The following GPN2 variants were observed in gnomAD, a reference collection of about 807,000 sequenced individuals.
GPN2 encodes GPN-loop GTPase 2.
Under a neutral mutation model 30.1 loss-of-function variants are expected in GPN2, and 27 were observed. That is an observed-to-expected ratio of 0.90 (90% CI 0.66 to 1.24). GPN2 has a LOEUF of 1.24. GPN2 is among the 50% of genes most tolerant of loss of function. GPN2 has a pLI of 0.00. For synonymous variants in GPN2, 212 were observed against 174.4 expected, an observed-to-expected ratio of 1.22 and a Z score of -1.70; for missense variants, 406 against 405.4, an observed-to-expected ratio of 1.00 and a Z score of -0.01.
intron 3 of GPN2, among the ~76,000 whole-genome samples, chr1:26,885,625 G>A (rs2081886589): frequency 6.7e-6 from 1 of 150,006 alleles, no homozygotes; most frequent in African/African-American, 2.5e-5. Context: ...TGTCGCCCAG[G>A]CTGGAGAGCA....
At chr1:26,885,928 G>T in intron 3 of GPN2, 45 bp downstream of exon 3, 2 of 1,469,560 alleles carry the variant, frequency 1.4e-6, no homozygotes, top group Non-Finnish European at 9.5e-7. Flanking sequence ...TTTTGGCTTG[G>T]TGAATCCCAT....
rs1456974530 is a variant in GPN2, at chr1:26,876,144, T to C, written c.*3533A>G. On this transcript the variant is annotated 3_prime_UTR_variant, in exon 5 of 5. Transcript: ENST00000374135. The stretch of plus-strand genomic sequence containing the variant: ...AATACACAAAATATACATTTGAATA[T>C]AGAATTTATTTTTCTCTTAAACAGA... 2.6e-5 allele frequency: 4 copies of C among 151,584 alleles called. No individual in the cohort carries two copies. The highest frequency in any genetic ancestry group is 2.9e-5 in the Non-Finnish European group (2 of 67,962). 9.4% of individuals were successfully genotyped at this position (151,584 alleles called of 1,614,324 possible).
chr1:26,886,148 C>T lies in GPN2; in HGVS notation c.569-15G>A, dbSNP rs2081889897. ...CAGGTTGAAGGCTAAAGAGAGAAACCAGTGTTCAGGAGCAACCAGTATCAG... is the reference window on the plus strand; with the variant it reads ...CAGGTTGAAGGCTAAAGAGAGAAACTAGTGTTCAGGAGCAACCAGTATCAG... On this transcript the variant is annotated splice_polypyrimidine_tract_variant and intron_variant, in intron 2 of 4. Transcript: ENST00000374135. The T allele has an allele frequency of 5.0e-6, 8 of 1,609,400 alleles. No homozygotes were observed. The highest frequency in any genetic ancestry group is 2.2e-5 in the South Asian group (2 of 90,916).
Position 26,885,992 on chromosome 1 carries a change from A to G in GPN2, c.710T>C (p.Phe237Ser). The change falls in exon 3 of 5, where the codon TTT becomes TCT. Residue 237 changes from phenylalanine (F) to serine (S), a missense_variant. Transcript: ENST00000374135. Reference protein sequence around the residue: ...QLIEDYSLVSFIPLNIQDKES... With the variant: ...QLIEDYSLVSSIPLNIQDKES... ...TAGTACCTGGATGTTGAGAGGGATA[A>G]AGGAGACAAGGCTATAGTCTTCGAT... 1 of 1,613,188 alleles carries G rather than the reference A, an allele frequency of 6.2e-7. No homozygotes were observed. Among genetic ancestry groups the G allele is most frequent in the Non-Finnish European group, 8.5e-7 (1 of 1,179,246 alleles).
chr1:26,888,784 C>T, intron 2 of GPN2, 185 bp downstream of exon 2: 1 of 654,896 alleles, frequency 1.5e-6, no homozygotes, highest in Non-Finnish European at 2.8e-6. Context: ...GCTCTCTTGT[C>T]TCCAAAATCT....
In GPN2 at chr1:26,889,997, G is replaced by C; in HGVS notation, c.100C>G (p.Arg34Gly). The C allele has an allele frequency of 6.2e-7, 1 of 1,601,036 alleles. No homozygotes were observed. The highest frequency in any genetic ancestry group is 8.5e-7 in the Non-Finnish European group (1 of 1,179,194). Residue 34 changes from arginine (R) to glycine (G), a missense_variant, in exon 1 of 5, where the codon CGC becomes GGC. Transcript: ENST00000374135. ...TYCLGMSEFLRALGRRVAVVN... is the reference protein window; with the variant it reads ...TYCLGMSEFLGALGRRVAVVN... ...ACCGCCACGCGCCGGCCCAGCGCGC[G>C]CAGGAACTCACTCATGCCCAGGCAG... is the stretch of plus-strand genomic sequence containing the variant.
intron 4 of GPN2, among the ~76,000 whole-genome samples, chr1:26,883,517 T>A (rs1229777675): frequency 1.3e-5 from 2 of 151,492 alleles, no homozygotes; most frequent in East Asian, 1.9e-4. Flanking sequence ...CCGGGCGCAG[T>A]GGCTCATGCC....
chr1:26,889,654 C>G, intron 1 of GPN2, 32 bp downstream of exon 1: 1 of 1,544,262 alleles, frequency 6.5e-7, no homozygotes, highest in Admixed American at 1.9e-5. Flanking sequence ...TTACTCCATC[C>G]GCAAAATGGG....
chr1:26,887,687 G>T (rs2081897777), intron 2 of GPN2, among the ~76,000 whole-genome samples: 1 of 151,440 alleles, frequency 6.6e-6, no homozygotes, highest in Admixed American at 6.6e-5. Flanking sequence ...TCAGCCTCCT[G>T]AGTAGCTGGG....
intron 2 of GPN2, among the ~76,000 whole-genome samples, chr1:26,887,362 T>G (rs902685862): frequency 6.6e-6 from 1 of 152,070 alleles, no homozygotes; most frequent in Non-Finnish European, 1.5e-5. Flanking sequence ...GGCAGCTCTA[T>G]CCTAAAGTAA....
chr1:26,882,857 T>C lies in GPN2; in HGVS notation c.860+1303A>G, dbSNP rs142485658. The stretch of plus-strand genomic sequence containing the variant: ...TGCCAGCTCTTGTCCCTTTCATCCA[T>C]GTGACAAACCTGCTCCCTCCTCCTT... On this transcript the variant is annotated intron_variant, in intron 4 of 4. Coordinates refer to ENST00000374135, the MANE Select transcript of GPN2 (RefSeq NM_018066.4). Among the ~76,000 whole-genome samples the C allele has an allele frequency of 2.7e-4, 41 of 152,352 alleles. No homozygotes were observed. In the East Asian group the frequency reaches 2.9e-3, roughly 11 times the overall value.
chr1:26,886,235 A>G (rs962883257), intron 2 of GPN2, 102 bp from the exon 3 acceptor site: 16 of 728,288 alleles, frequency 2.2e-5, no homozygotes, highest in Non-Finnish European at 3.2e-5. Context: ...ATGCACTCAA[A>G]TATTTCTTGA....
intron 2 of GPN2, chr1:26,886,433 T>G (rs770766804): frequency 2.1e-6 from 1 of 476,302 alleles, no homozygotes; most frequent in South Asian, 1.5e-5. Flanking sequence ...CGGTGGCTCA[T>G]GCCTGTAATC....
chr1:26,889,142 A>G lies in GPN2; in HGVS notation c.412-17T>C, dbSNP rs747692059. On this transcript the variant is annotated splice_polypyrimidine_tract_variant and intron_variant, in intron 1 of 4. Transcript: ENST00000374135. ...GGCAGTCAGCTGGGAGGGAATAGAC[A>G]GGGTGAGAGTGGCCTGGAGAAACAG... 3.9e-5 allele frequency: 62 copies of G among 1,607,650 alleles called. No homozygotes were observed. Among genetic ancestry groups the G allele is most frequent in the Non-Finnish European group, 5.2e-5 (61 of 1,174,958 alleles).
chr1:26,888,976 C>T lies in GPN2; in HGVS notation c.561G>A (p.Gly187=), dbSNP rs2124006229. 6.2e-7 allele frequency: 1 copy of T among 1,614,184 alleles called. No homozygotes were observed. Among genetic ancestry groups the T allele is most frequent in the African/African-American group, 1.3e-5 (1 of 75,072 alleles). ...TGGAACAGAAGCTCTTACCCAGCTT[C>T]CCATAATGCTCAATGAGGTCCATCT... The part of the protein sequence containing the change: ...LSKMDLIEHY[G]KLAFNLDYYT... Residue 187 remains glycine, a synonymous_variant, in exon 2 of 5, where the codon GGG becomes GGA. Transcript: ENST00000374135.
Position 26,886,086 on chromosome 1 carries a change from G to A in GPN2, c.616C>T (p.Leu206Phe), listed in dbSNP as rs760231361. Residue 206 changes from leucine (L) to phenylalanine (F), a missense_variant, in exon 3 of 5, where the codon CTT becomes TTT. Physicochemically the swap from Leu to Phe is conservative, Grantham distance 22. Coordinates refer to ENST00000374135, the MANE Select transcript of GPN2 (RefSeq NM_018066.4). ...AAAGGGTCAGAAGCCAGGTGGTCAA[G>A]CAGGTAGGAGAGGTCCAGAACCTCT... ...YTEVLDLSYL[L>F]DHLASDPFFR... 3.7e-6 allele frequency: 6 copies of A among 1,613,666 alleles called. No homozygotes were observed. The East Asian group carries it at 8.9e-5, about 24-fold the overall frequency.
intron 1 of GPN2, 102 bp downstream of exon 1, chr1:26,889,584 G>T (rs1170900949): frequency 1.7e-6 from 2 of 1,174,076 alleles, no homozygotes; most frequent in South Asian, 1.5e-5. Flanking sequence ...ACTCCAAAGC[G>T]ACCCAGCCCC....
At position 26,878,603 on chromosome 1, in the gene GPN2, A is replaced by G. The variant is rs2081850158; in HGVS notation, c.*1074T>C. The G allele has an allele frequency of 6.6e-6, 1 of 151,456 alleles. No individual in the cohort carries two copies. The highest frequency in any genetic ancestry group is 1.5e-5 in the Non-Finnish European group (1 of 67,916). 9.4% of individuals were successfully genotyped at this position (151,456 alleles called of 1,614,324 possible). On this transcript the variant is annotated 3_prime_UTR_variant, in exon 5 of 5. Coordinates refer to ENST00000374135, the MANE Select transcript of GPN2 (RefSeq NM_018066.4). Reference sequence around the variant, plus strand: ...GCCTTGTATTTCATTTTTGAAGTACACCTTTTTTTTGAGACAAAGTCTCGC... The same window carrying G: ...GCCTTGTATTTCATTTTTGAAGTACGCCTTTTTTTTGAGACAAAGTCTCGC...
Position 26,890,189 on chromosome 1 carries a change from G to T in GPN2, c.-93C>A. ...AGACTGAGGGCGAGGGTCCCAGTAC[G>T]TATACCTCGTTGGCGGCCAGCGTCA... On this transcript the variant is annotated 5_prime_UTR_variant, in exon 1 of 5. Transcript: ENST00000374135. 8.9e-7 allele frequency: 1 copy of T among 1,122,952 alleles called. No homozygotes were observed. Among genetic ancestry groups the T allele is most frequent in the Non-Finnish European group, 1.2e-6 (1 of 818,472 alleles). 69.6% of individuals were successfully genotyped at this position (1,122,952 alleles called of 1,614,324 possible).
Sources: allele counts gnomAD v4.1 joint callset (sites outside exome capture counted in the v4.1 genomes callset), GRCh38; gene constraint gnomAD v4.1.1; transcripts MANE v1.5; gene names NCBI Gene and HGNC (gene_info 2026-07-23, HGNC 2026-07-21).